The following ZMAT4 variants were observed in gnomAD, a reference collection of about 807,000 sequenced individuals.
The protein encoded by ZMAT4 is zinc finger matrin-type protein 4.
Under a neutral mutation model 28.7 loss-of-function variants are expected in ZMAT4, and 17 were observed. The ratio of observed to expected loss-of-function variants is 0.59; its 90% CI spans 0.41 to 0.89. ZMAT4 has a LOEUF of 0.89. Among genes scored for constraint, ZMAT4 ranks in the 40% least tolerant of loss-of-function variants. The pLI is 0.00. For missense variants in ZMAT4, 240 were observed against 283.8 expected (o/e 0.85, Z 1.11); for synonymous variants, 117 against 109.2 (o/e 1.07, Z -0.44).
At chr8:40,732,212 GT>G (rs1331436189) in intron 3 of ZMAT4, among the ~76,000 whole-genome samples, 2 of 152,022 alleles carry the variant, frequency 1.3e-5, no homozygotes, top group African/African-American at 4.8e-5. Flanking sequence ...GCCTAAGACG[GT>G]AAATTTTATG....
At chr8:40,762,238 G>A (rs112507003) in intron 3 of ZMAT4, among the ~76,000 whole-genome samples, 39 of 152,312 alleles carry the variant, frequency 2.6e-4, no homozygotes, top group African/African-American at 8.7e-4. Context: ...GACATGCAAT[G>A]TTATTTGGAA....
chr8:40,833,861 C>A (rs1816381131), intron 1 of ZMAT4, among the ~76,000 whole-genome samples: 1 of 152,132 alleles, frequency 6.6e-6, no homozygotes, highest in Non-Finnish European at 1.5e-5. Context: ...TGATGTTGCT[C>A]AGATAAAGGA....
chr8:40,842,244 A>G (rs981252916), intron 1 of ZMAT4, among the ~76,000 whole-genome samples: 5 of 152,148 alleles, frequency 3.3e-5, no homozygotes, highest in Admixed American at 2.6e-4. Context: ...TCTGAGCTAT[A>G]CCCTCCCATG....
rs376353653 is a variant in ZMAT4, at chr8:40,851,434, C to T, written c.-4-25754G>A. Among the ~76,000 whole-genome samples, 7 of 152,124 alleles carry T rather than the reference C, an allele frequency of 4.6e-5. No homozygotes were observed. The East Asian group carries it at 5.8e-4, about 13-fold the overall frequency. On this transcript the variant is annotated intron_variant, in intron 1 of 6. Coordinates refer to ENST00000297737, the MANE Select transcript of ZMAT4 (RefSeq NM_024645.3). ...ACATAAAGGATATATAATAGAAAAA[C>T]TAATTCAAATAAAATCTACTGTCTA... is the stretch of plus-strand genomic sequence containing the variant.
chr8:40,708,768 G>A (rs1358386745), intron 3 of ZMAT4, among the ~76,000 whole-genome samples: 1 of 149,646 alleles, frequency 6.7e-6, no homozygotes, highest in Non-Finnish European at 1.5e-5. Context: ...TTCTGCATCA[G>A]CCTCCCGAGT....
chr8:40,654,839 A>G (rs1807844933), intron 5 of ZMAT4, among the ~76,000 whole-genome samples: 1 of 152,118 alleles, frequency 6.6e-6, no homozygotes. Context: ...CACAGCTGAC[A>G]TCATACTTCA....
chr8:40,633,025 T>A (rs2599646), intron 5 of ZMAT4, among the ~76,000 whole-genome samples: 72,983 of 151,962 alleles, frequency 0.48, 19,212 homozygotes, highest in Non-Finnish European at 0.6. Context: ...TTTCTGTGGA[T>A]GGTTTTCATC....
intron 6 of ZMAT4, among the ~76,000 whole-genome samples, chr8:40,565,102 G>A (rs938704366): frequency 1.3e-5 from 2 of 152,160 alleles, no homozygotes; most frequent in Non-Finnish European, 2.9e-5. Flanking sequence ...ACAGATTGAT[G>A]TCTCTAATCA....
intron 5 of ZMAT4, among the ~76,000 whole-genome samples, chr8:40,598,345 T>C (rs1278688337): frequency 6.6e-6 from 1 of 152,198 alleles, no homozygotes; most frequent in Non-Finnish European, 1.5e-5. Flanking sequence ...ATATTTGTCC[T>C]AATGCTCTCG....
At chr8:40,886,668 T>C (rs1000697759) in intron 1 of ZMAT4, among the ~76,000 whole-genome samples, 5 of 152,230 alleles carry the variant, frequency 3.3e-5, no homozygotes, top group African/African-American at 1.2e-4. Flanking sequence ...GGCTTGTTGC[T>C]GTGCCATGAG....
In ZMAT4 at chr8:40,698,892, G is replaced by A. The variant is rs556983013; in HGVS notation, c.193-1491C>T. On this transcript the variant is annotated intron_variant, in intron 3 of 6. Coordinates refer to ENST00000297737, the MANE Select transcript of ZMAT4 (RefSeq NM_024645.3). ...GGAAGGGACCACTGGAGAGAGGAGG[G>A]GCTTTCCCAATAGGTCCTCTCCTGC... Among the ~76,000 whole-genome samples the A allele has an allele frequency of 4.0e-5, 6 of 151,768 alleles. No homozygotes were observed. In the South Asian group the frequency reaches 1.3e-3, roughly 32 times the overall value.
chr8:40,889,168 A>T (rs1818575172), intron 1 of ZMAT4, among the ~76,000 whole-genome samples: 1 of 152,186 alleles, frequency 6.6e-6, no homozygotes, highest in Admixed American at 6.5e-5. Context: ...TGCAGGTGAC[A>T]GGGCCCGGAG....
At chr8:40,598,888 T>C (rs2722410) in intron 5 of ZMAT4, among the ~76,000 whole-genome samples, 31,117 of 152,112 alleles carry the variant, frequency 0.2, 3,744 homozygotes, top group South Asian at 0.29. Flanking sequence ...GATCAGCCAG[T>C]ACGAATGTCT....
At position 40,674,761 on chromosome 8, in the gene ZMAT4, C is replaced by A. The variant is rs867752388; in HGVS notation, c.520G>T (p.Ala174Ser). 1 of 1,614,008 alleles carries A rather than the reference C, an allele frequency of 6.2e-7. No homozygotes were observed. Among genetic ancestry groups the A allele is most frequent in the East Asian group, 2.2e-5 (1 of 44,876 alleles). ...YDGKKHKKNAARVALLEQLGT... is the reference protein window; with the variant it reads ...YDGKKHKKNASRVALLEQLGT... ...AGTTGTTCTAACAAAGCAACTCTTGCCGCATTCTTTTTGTGTTTCTTGCCA... is the reference window on the plus strand; with the variant it reads ...AGTTGTTCTAACAAAGCAACTCTTGACGCATTCTTTTTGTGTTTCTTGCCA... Residue 174 changes from alanine (A) to serine (S), a missense_variant, in exon 5 of 7, where the codon GCA (alanine) becomes TCA (serine). Coordinates refer to ENST00000297737, the MANE Select transcript of ZMAT4 (RefSeq NM_024645.3).
intron 4 of ZMAT4, among the ~76,000 whole-genome samples, chr8:40,688,938 G>A (rs983312727): frequency 1.3e-5 from 2 of 152,202 alleles, no homozygotes; most frequent in South Asian, 2.1e-4. Context: ...TGTCTGAGAG[G>A]CAAAGGGATC....
At chr8:40,848,788 C>T (rs1427552956) in intron 1 of ZMAT4, among the ~76,000 whole-genome samples, 1 of 152,132 alleles carries the variant, frequency 6.6e-6, no homozygotes, top group Non-Finnish European at 1.5e-5. Flanking sequence ...TTGGTAATAC[C>T]AGTACTGTTA....
intron 2 of ZMAT4, among the ~76,000 whole-genome samples, chr8:40,768,363 T>A (rs1813247501): frequency 6.6e-6 from 1 of 152,220 alleles, no homozygotes; most frequent in African/African-American, 2.4e-5. Flanking sequence ...TTAGCAGGAT[T>A]GTTGATTTCT....
chr8:40,767,641 A>T lies in ZMAT4; in HGVS notation c.192T>A (p.Asn64Lys), dbSNP rs762535053. Reference sequence around the variant, plus strand: ...ATATCACGTGGTACCAGATACTCACATTTTCTGACCGGAGCCTCTTGGCAG... The same window carrying T: ...ATATCACGTGGTACCAGATACTCACTTTTTCTGACCGGAGCCTCTTGGCAG... The part of the protein sequence containing the change: ...GCPAKRLRSE[N>K]GSDADMVDKN... Residue 64 changes from asparagine to lysine, a missense_variant and splice_region_variant, in exon 3 of 7, where the codon AAT becomes AAA. Transcript: ENST00000297737. 1.9e-6 allele frequency: 3 copies of T among 1,611,830 alleles called. No homozygotes were observed. In the East Asian group the frequency reaches 6.7e-5, roughly 36 times the overall value.
chr8:40,574,822 A>G (rs934276637), intron 6 of ZMAT4, among the ~76,000 whole-genome samples: 2 of 152,192 alleles, frequency 1.3e-5, no homozygotes, highest in Non-Finnish European at 2.9e-5. Flanking sequence ...AGTTCTTACT[A>G]CAGGGGAATC....
Sources: allele counts gnomAD v4.1 joint callset (sites outside exome capture counted in the v4.1 genomes callset), GRCh38; gene constraint gnomAD v4.1.1; transcripts MANE v1.5; gene names NCBI Gene and HGNC (gene_info 2026-07-23, HGNC 2026-07-21).